CSRNP3: variants seen among roughly 807,000 people sequenced by gnomAD.
CSRNP3 encodes cysteine/serine-rich nuclear protein 3.
In CSRNP3, 12 loss-of-function variants were observed where a neutral mutation model predicts 48.0. The ratio of observed to expected loss-of-function variants is 0.25; its 90% CI spans 0.16 to 0.41. The LOEUF (loss-of-function observed/expected upper bound fraction) is 0.41. Among genes scored for constraint, CSRNP3 ranks in the 10% least tolerant of loss-of-function variants. The probability of loss-of-function intolerance (pLI) is 1.00; values close to 1 mark genes in which losing one functional copy is unlikely to be tolerated. For synonymous variants in CSRNP3, 263 were observed against 269.7 expected (o/e 0.98, Z 0.24); for missense variants, 580 against 724.4 (o/e 0.80, Z 2.29).
intron 4 of CSRNP3, among the ~76,000 whole-genome samples, chr2:165,605,859 C>T (rs73972113): frequency 0.013 from 1,905 of 152,048 alleles, 45 homozygotes; most frequent in African/African-American, 0.044. Context: ...TAACAGATCT[C>T]AATACTTGAA....
chr2:165,597,850 T>C (rs1417472159), intron 4 of CSRNP3, among the ~76,000 whole-genome samples: 1 of 152,126 alleles, frequency 6.6e-6, no homozygotes, highest in South Asian at 2.1e-4. Context: ...AAAATGCTAA[T>C]GAGATTTCAT....
At chr2:165,667,028 GAGGAAGA>G (rs377471163) in intron 5 of CSRNP3, among the ~76,000 whole-genome samples, 24 of 35,416 alleles carry the variant, frequency 6.8e-4, no homozygotes, top group Non-Finnish European at 1.3e-3. Context: ...GAAAGAGAGA[GAGGAAGA>G]AAGAAAGAGA....
rs1558972666 is a variant in CSRNP3 at position 165,679,126 on chromosome 2, A to G, written c.1131A>G (p.Glu377=). The change falls in exon 7 of 7, where the codon GAA becomes GAG. Residue 377 remains glutamate (E), a synonymous_variant. Transcript: ENST00000651982. ...CAGACGAGGAGGAGGAGGAAGAAGA[A>G]GAGGAAGAGGAGGAGGAGGATGACG... is the stretch of plus-strand genomic sequence containing the variant. ...SESDEEEEEE[E]EEEEEEDDDD... 3.1e-6 allele frequency: 5 copies of G among 1,613,782 alleles called. No individual in the cohort carries two copies. The highest frequency in any genetic ancestry group is 1.1e-5 in the South Asian group (1 of 91,054).
chr2:165,594,017 G>A (rs546376225), intron 3 of CSRNP3, among the ~76,000 whole-genome samples: 1 of 152,204 alleles, frequency 6.6e-6, no homozygotes, highest in African/African-American at 2.4e-5. Context: ...ATTGCCTTCA[G>A]GTTATATGAA....
At position 165,639,665 on chromosome 2, in the gene CSRNP3, A is replaced by G. The variant is rs543099870; in HGVS notation, c.149-18096A>G. Among the ~76,000 whole-genome samples the G allele has an allele frequency of 8.2e-4, 125 of 152,174 alleles. 2 individuals are homozygous for G. Among genetic ancestry groups the G allele is most frequent in the Non-Finnish European group, 5.6e-4 (38 of 68,012 alleles). On this transcript the variant is annotated intron_variant, in intron 4 of 6. Coordinates refer to ENST00000651982, the MANE Select transcript of CSRNP3 (RefSeq NM_001172173.2). ...AAAGTCAGTGTTTTGACACCTGAGG[A>G]GATACAGCAGACAGGGAAATGGAAA...
At chr2:165,589,939 A>G (rs1685690020) in intron 3 of CSRNP3, among the ~76,000 whole-genome samples, 1 of 152,180 alleles carries the variant, frequency 6.6e-6, no homozygotes, top group South Asian at 2.1e-4. Context: ...ATCTTATTAT[A>G]AAAATGTACT....
At chr2:165,638,450 A>G (rs1489994448) in intron 4 of CSRNP3, among the ~76,000 whole-genome samples, 1 of 151,116 alleles carries the variant, frequency 6.6e-6, no homozygotes, top group Non-Finnish European at 1.5e-5. Context: ...AACAAAAGTG[A>G]AACTCCATCT....
intron 2 of CSRNP3, among the ~76,000 whole-genome samples, chr2:165,515,294 C>T: frequency 6.7e-6 from 1 of 149,146 alleles, no homozygotes; most frequent in African/African-American, 2.5e-5. Flanking sequence ...TGCACTCTAG[C>T]CTGGGTGACA....
At chr2:165,623,424 A>T (rs1686375224) in intron 4 of CSRNP3, among the ~76,000 whole-genome samples, 1 of 152,188 alleles carries the variant, frequency 6.6e-6, no homozygotes, top group Non-Finnish European at 1.5e-5. Context: ...AACGTAATGC[A>T]CTTGAATTAT....
intron 4 of CSRNP3, among the ~76,000 whole-genome samples, chr2:165,600,690 G>A (rs943700029): frequency 3.9e-5 from 6 of 152,168 alleles, no homozygotes; most frequent in East Asian, 1.9e-4. Flanking sequence ...GCCAGTGATG[G>A]TGAGCATTTT....
intron 5 of CSRNP3, among the ~76,000 whole-genome samples, chr2:165,670,561 G>T (rs915513582): frequency 7.9e-5 from 12 of 152,142 alleles, no homozygotes; most frequent in African/African-American, 2.9e-4. Flanking sequence ...GCAATCTTGG[G>T]CAAATTATTT....
At chr2:165,483,859 C>T (rs1005237173) in intron 1 of CSRNP3, among the ~76,000 whole-genome samples, 1 of 152,062 alleles carries the variant, frequency 6.6e-6, no homozygotes, top group African/African-American at 2.4e-5. Context: ...AATAACACCA[C>T]CTTGGGGGTT....
intron 3 of CSRNP3, among the ~76,000 whole-genome samples, chr2:165,534,845 C>T (rs1376669361): frequency 6.6e-6 from 1 of 151,506 alleles, no homozygotes; most frequent in Non-Finnish European, 1.5e-5. Context: ...TAGAAGTTGT[C>T]CTTGATTGGA....
chr2:165,612,718 T>A (rs752008901), intron 4 of CSRNP3, among the ~76,000 whole-genome samples: 4 of 151,854 alleles, frequency 2.6e-5, no homozygotes, highest in Non-Finnish European at 5.9e-5. Context: ...TTTAACATAA[T>A]GTCCTCCAGG....
At chr2:165,596,135 A>ATTT (rs11317294) in intron 4 of CSRNP3, among the ~76,000 whole-genome samples, 29 of 120,482 alleles carry the variant, frequency 2.4e-4, no homozygotes, top group African/African-American at 8.2e-4. Flanking sequence ...TTTCTTTTTG[A>ATTT]TTTTTTTTTT....
intron 4 of CSRNP3, among the ~76,000 whole-genome samples, chr2:165,631,975 T>C (rs757408089): frequency 1.3e-5 from 2 of 152,204 alleles, no homozygotes; most frequent in Non-Finnish European, 2.9e-5. Flanking sequence ...AAGGGATGGG[T>C]TTAAATACTA....
chr2:165,587,858 A>G (rs1685656874), intron 3 of CSRNP3, among the ~76,000 whole-genome samples: 2 of 152,212 alleles, frequency 1.3e-5, no homozygotes, highest in African/African-American at 4.8e-5. Flanking sequence ...AGAGTGGTAA[A>G]TGAGATGAAT....
chr2:165,515,110 G>C (rs2105229898), intron 2 of CSRNP3, among the ~76,000 whole-genome samples: 1 of 151,970 alleles, frequency 6.6e-6, no homozygotes, highest in South Asian at 2.1e-4. Context: ...ATGAGGTCAG[G>C]AGTTTGAGAC....
At chr2:165,626,345 A>G (rs998717136) in intron 4 of CSRNP3, among the ~76,000 whole-genome samples, 2 of 152,200 alleles carry the variant, frequency 1.3e-5, no homozygotes, top group Non-Finnish European at 2.9e-5. Context: ...TGAGATGGAC[A>G]TCTAAGGTAA....
Sources: allele counts gnomAD v4.1 joint callset (sites outside exome capture counted in the v4.1 genomes callset), GRCh38; gene constraint gnomAD v4.1.1; transcripts MANE v1.5; gene names NCBI Gene and HGNC (gene_info 2026-07-23, HGNC 2026-07-21).